Variants in HMCN2 observed in about 807,000 individuals in gnomAD.
HMCN2 encodes hemicentin-2.
Under a neutral mutation model 377.5 loss-of-function variants are expected in HMCN2, and 325 were observed. The observed-to-expected ratio is 0.86, with a 90% CI of 0.79 to 0.94. The LOEUF (loss-of-function observed/expected upper bound fraction) is 0.94. Ranked by LOEUF, HMCN2 falls within the 40% of genes least tolerant of loss-of-function variation. The probability of loss-of-function intolerance (pLI) is 0.00; values close to 1 mark genes in which losing one functional copy is unlikely to be tolerated. For missense variants in HMCN2, 4,543 were observed against 4,725.3 expected (o/e 0.96, Z 1.13); for synonymous variants, 2,007 against 2,046.8 (o/e 0.98, Z 0.53).
At chr9:130,427,284 C>T in intron 90 of HMCN2, 29 bp from the exon 91 acceptor site, 1 of 1,549,742 alleles carries the variant, frequency 6.5e-7, no homozygotes, top group Non-Finnish European at 8.7e-7. Context: ...ACCCTCATGT[C>T]CTTAGAGTCT....
chr9:130,413,991 CAAAA>C (rs33963612), intron 85 of HMCN2, among the ~76,000 whole-genome samples: 3,997 of 137,054 alleles, frequency 0.029, 93 homozygotes, highest in East Asian at 0.069. Flanking sequence ...ACCAAAAATA[CAAAA>C]AAAAAAAAAA....
At position 130,403,348 on chromosome 9, in the gene HMCN2, A is replaced by C; in HGVS notation, c.12013+20A>C. ...CTACTGGTGAGGGCCCCTGGCAGCCAGCCTGGGAAGGGAAGAGAAGAGCGT... is the reference window on the plus strand; with the variant it reads ...CTACTGGTGAGGGCCCCTGGCAGCCCGCCTGGGAAGGGAAGAGAAGAGCGT... On this transcript the variant is annotated intron_variant, in intron 79 of 97. Transcript: ENST00000683500. 4.7e-6 allele frequency: 6 copies of C among 1,289,582 alleles called. No individual in the cohort carries two copies. Among genetic ancestry groups the C allele is most frequent in the Non-Finnish European group, 6.1e-6 (6 of 988,742 alleles). 79.9% of individuals were successfully genotyped at this position (1,289,582 alleles called of 1,614,324 possible).
chr9:130,412,032 TGC>T (rs1843450237), intron 85 of HMCN2, among the ~76,000 whole-genome samples: 2 of 151,888 alleles, frequency 1.3e-5, no homozygotes, highest in South Asian at 2.1e-4. Context: ...AGTGCAGTGG[TGC>T]CATCTCTGCT....
intron 2 of HMCN2, among the ~76,000 whole-genome samples, chr9:130,284,952 G>A (rs182479474): frequency 7.2e-5 from 11 of 152,332 alleles, no homozygotes; most frequent in African/African-American, 2.4e-4. Flanking sequence ...TTGCATGGAT[G>A]AATGAATGAA....
In HMCN2 at chr9:130,354,951, G is replaced by T; in HGVS notation, c.5053G>T (p.Glu1685Ter). 1 of 1,302,990 alleles carries T rather than the reference G, an allele frequency of 7.7e-7. No individual in the cohort carries two copies. Among genetic ancestry groups the T allele is most frequent in the Non-Finnish European group, 1.0e-6 (1 of 988,938 alleles). 80.7% of individuals were successfully genotyped at this position (1,302,990 alleles called of 1,614,324 possible). ...GACAGACGGGAGTGTGCTGAGGCTG[G>T]AGAGCCCGGGGGAGGCATCCAGTGG... ...LETDGSVLRLESPGEASSGLY... is the reference protein window; with the variant it reads ...LETDGSVLRL Residue 1685 changes from glutamate to a stop codon, truncating the protein, a stop_gained, in exon 32 of 98, where the codon GAG becomes TAG. Transcript: ENST00000683500. LOFTEE classifies it high-confidence loss of function.
intron 15 of HMCN2, among the ~76,000 whole-genome samples, chr9:130,317,725 G>A (rs953142670): frequency 2.7e-4 from 41 of 150,486 alleles, no homozygotes; most frequent in African/African-American, 1.0e-3. Context: ...GGCAGAGGTC[G>A]CAGGGAGCCG....
In HMCN2 at chr9:130,425,732, G is replaced by T. The variant is rs566820060; in HGVS notation, c.13687G>T (p.Val4563Leu). ...YVQTGPGQLF[V>L]GSTQRFFQGG... ...GCAAACAGGGCCTGGCCAGCTGTTC[G>T]TGGGCTCCACACAGCGCTTCTTCCA... Residue 4563 changes from valine (V) to leucine (L), a missense_variant, in exon 90 of 98, where the codon GTG (valine) becomes TTG (leucine). By Grantham distance (32) the Val-to-Leu change is conservative. This residue lies in a region of HMCN2 where 1,155 missense variants were observed against 1,157.7 expected (regional missense o/e 1.00). Coordinates refer to ENST00000683500, the MANE Select transcript of HMCN2 (RefSeq NM_001291815.2). The T allele has an allele frequency of 4.5e-6, 7 of 1,547,786 alleles. No individual in the cohort carries two copies. The highest frequency in any genetic ancestry group is 5.2e-6 in the Non-Finnish European group (6 of 1,146,202).
intron 47 of HMCN2, 34 bp from the exon 48 acceptor site, chr9:130,373,004 C>CCCCCCCCG (rs1841121434): frequency 1.2e-5 from 2 of 161,264 alleles, no homozygotes; most frequent in African/African-American, 4.9e-5. Context: ...CCCCCCACCC[C>CCCCCCCCG]ATCACTAGCC....
intron 15 of HMCN2, among the ~76,000 whole-genome samples, chr9:130,312,668 T>C (rs959175388): frequency 2.0e-5 from 3 of 148,148 alleles, no homozygotes; most frequent in Non-Finnish European, 4.5e-5. Context: ...CTTTCTTTCT[T>C]TCTTTCCTTC....
intron 59 of HMCN2, 66 bp downstream of exon 59, chr9:130,384,864 C>G (rs1369757936): frequency 2.6e-5 from 28 of 1,058,452 alleles, no homozygotes; most frequent in Non-Finnish European, 3.5e-5. Context: ...AGCCCATACT[C>G]CCCCAGAGAA....
In HMCN2 at chr9:130,379,391, G is replaced by T; in HGVS notation, c.8355G>T (p.Ala2785=). 2 of 985,820 alleles carry T rather than the reference G, an allele frequency of 2.0e-6. No individual in the cohort carries two copies. Among genetic ancestry groups the T allele is most frequent in the Non-Finnish European group, 2.4e-6 (2 of 829,948 alleles). 61.1% of individuals were successfully genotyped at this position (985,820 alleles called of 1,614,324 possible). A position where few individuals can be genotyped will look rare whatever the true frequency, so the allele number is the denominator to read the frequency against. The change falls in exon 54 of 98, where the codon GCG becomes GCT. Residue 2785 remains alanine, a synonymous_variant. Transcript: ENST00000683500. ...NPAYLYCDTN[A]IPPPDLTWYR... ...CCTACCTGTACTGCGACACCAACGCGATCCCACCCCCGGACCTCACCTGGT... is the reference window on the plus strand; with the variant it reads ...CCTACCTGTACTGCGACACCAACGCTATCCCACCCCCGGACCTCACCTGGT...
intron 15 of HMCN2, among the ~76,000 whole-genome samples, chr9:130,317,443 C>CCTA (rs1289207484): frequency 6.7e-6 from 1 of 150,214 alleles, no homozygotes; most frequent in African/African-American, 2.4e-5. Context: ...TGTGCTCCAG[C>CCTA]CTAGATGATA....
chr9:130,334,531 T>C (rs1295272006), intron 22 of HMCN2, among the ~76,000 whole-genome samples: 1 of 150,452 alleles, frequency 6.6e-6, no homozygotes, highest in Non-Finnish European at 1.5e-5. Context: ...TTGGTGTGAA[T>C]TGTTAACACT....
intron 22 of HMCN2, among the ~76,000 whole-genome samples, chr9:130,335,518 C>T (rs947881559): frequency 5.3e-5 from 8 of 152,026 alleles, no homozygotes; most frequent in East Asian, 3.9e-4. Context: ...TTGAAGACTG[C>T]GGAGAGGTCC....
At chr9:130,292,977 T>TCTATCTAC (rs139144434) in intron 4 of HMCN2, among the ~76,000 whole-genome samples, 17,683 of 141,786 alleles carry the variant, frequency 0.12, 1,141 homozygotes, top group Non-Finnish European at 0.16. Context: ...TATCTATCTA[T>TCTATCTAC]CTATCTATCT....
intron 7 of HMCN2, among the ~76,000 whole-genome samples, chr9:130,298,348 G>A (rs1195494073): frequency 6.6e-6 from 1 of 152,222 alleles, no homozygotes; most frequent in East Asian, 1.9e-4. Context: ...AACACAGCAA[G>A]ACCCCATCTC....
intron 1 of HMCN2, 46 bp from the exon 2 acceptor site, chr9:130,284,557 T>A: frequency 4.2e-6 from 2 of 470,816 alleles, no homozygotes; most frequent in South Asian, 1.5e-5. Flanking sequence ...GGGCTGTGTG[T>A]CTAGGAGTCC....
At chr9:130,412,567 C>CTTTTTTTTTTT (rs55873444) in intron 85 of HMCN2, among the ~76,000 whole-genome samples, 99 of 134,418 alleles carry the variant, frequency 7.4e-4, no homozygotes, top group Non-Finnish European at 1.2e-3. Context: ...CTTTCTTTCT[C>CTTTTTTTTTTT]TTTTTTTTTT....
chr9:130,353,063 C>T lies in HMCN2; in HGVS notation c.4722C>T (p.Pro1574=), dbSNP rs553024377. 2 of 1,304,090 alleles carry T rather than the reference C, an allele frequency of 1.5e-6. No homozygotes were observed. The highest frequency in any genetic ancestry group is 1.5e-5 in the African/African-American group (1 of 65,858). The allele number at this position is 1,304,090 out of a possible 1,614,324, so 80.8% of individuals were successfully genotyped here. The change falls in exon 31 of 98, where the codon CCC becomes CCT. Residue 1574 remains proline (P), a synonymous_variant. Transcript: ENST00000683500. ...ITWFKDGALL[P]TSTKVVYTRG... ...GGTTCAAGGACGGGGCCCTGCTCCCCACCAGCACCAAGGTGGTCTACACTA... is the reference window on the plus strand; with the variant it reads ...GGTTCAAGGACGGGGCCCTGCTCCCTACCAGCACCAAGGTGGTCTACACTA...
Sources: gnomAD v4.1 joint callset for allele counts (sites outside exome capture counted in the v4.1 genomes callset) on GRCh38, gnomAD v4.1.1 for gene constraint, gnomAD v4.1.1 regional missense constraint, MANE v1.5 for transcripts, NCBI Gene and HGNC (gene_info 2026-07-23, HGNC 2026-07-21) for gene names.